The following HK1 variants were observed in gnomAD, a reference collection of about 807,000 sequenced individuals.
The protein encoded by HK1 is hexokinase-1.
Under a neutral mutation model 91.6 loss-of-function variants are expected in HK1, and 28 were observed. The ratio of observed to expected loss-of-function variants is 0.31; its 90% CI spans 0.23 to 0.42. The LOEUF is 0.42. Ranked by LOEUF, HK1 falls within the 10% of genes least tolerant of loss-of-function variation. The pLI, the probability that HK1 is intolerant of heterozygous loss-of-function variation, is 1.00. For missense variants in HK1, 770 were observed against 1,219.8 expected (o/e 0.63, Z 5.49); for synonymous variants, 430 against 468.1 (o/e 0.92, Z 1.05).
At chr10:69,386,724 A>G (rs557307011) in intron 13 of HK1, 1 of 341,432 alleles carries the variant, frequency 2.9e-6, no homozygotes, top group South Asian at 2.4e-5. Context: ...GGTTGCAGTG[A>G]GCTGAGATCA....
Position 69,380,045 on chromosome 10 carries a change from G to C in HK1, c.1215G>C (p.Arg405Ser). Residue 405 changes from arginine (R) to serine (S), a missense_variant, in exon 9 of 18, where the codon AGG (arginine) becomes AGC (serine). Around this residue, in one of 7 missense-constraint regions of HK1, gnomAD observed 449 missense variants for 665.1 expected, o/e 0.68. Coordinates refer to ENST00000359426, the MANE Select transcript of HK1 (RefSeq NM_000188.3). This position sits in a 1 kb window ranked among gnomAD's most constrained non-coding sequence, Gnocchi z 4.0. ...NRLRDNKGTP[R>S]LRTTVGVDGS... is the part of the protein sequence containing the mutation. ...TGCGTGATAACAAGGGCACACCCAGGCTGCGGACCACGGTTGGTGTCGACG... is the reference window on the plus strand; with the variant it reads ...TGCGTGATAACAAGGGCACACCCAGCCTGCGGACCACGGTTGGTGTCGACG... The C allele has an allele frequency of 6.2e-7, 1 of 1,614,142 alleles. No homozygotes were observed. The highest frequency in any genetic ancestry group is 8.5e-7 in the Non-Finnish European group (1 of 1,179,996).
intron 1 of HK1, among the ~76,000 whole-genome samples, chr10:69,324,950 A>G (rs1027415188): frequency 6.6e-6 from 1 of 152,192 alleles, no homozygotes; most frequent in Admixed American, 6.5e-5. Context: ...ATTTCTGGAA[A>G]TAACATTGAC....
chr10:69,354,809 T>C (rs1849048488), intron 2 of HK1, among the ~76,000 whole-genome samples: 1 of 152,180 alleles, frequency 6.6e-6, no homozygotes. Context: ...GGCTCATGCC[T>C]GTAATCCTAG....
chr10:69,391,009 A>G (rs1250651203), intron 14 of HK1, among the ~76,000 whole-genome samples: 1 of 152,196 alleles, frequency 6.6e-6, no homozygotes, highest in Non-Finnish European at 1.5e-5. Context: ...TTAGCTCCTC[A>G]TGGGCTGGAA....
intron 1 of HK1, chr10:69,338,499 T>C: frequency 7.8e-7 from 1 of 1,288,392 alleles, no homozygotes; most frequent in Non-Finnish European, 1.0e-6. Context: ...TTCTGATAGA[T>C]GGTCCACAGA....
chr10:69,348,762 A>G lies in HK1; in HGVS notation c.226+4773A>G, dbSNP rs954892544. 3.9e-5 allele frequency among the ~76,000 whole-genome samples: 6 copies of G among 152,192 alleles called. No individual in the cohort carries two copies. In the East Asian group the frequency reaches 1.2e-3, roughly 29 times the overall value. ...GGAGGCAGAGTTGCAGTGAGCTGAGATCACGCCACTGCACTCCAGCCTGGG... is the reference window on the plus strand; with the variant it reads ...GGAGGCAGAGTTGCAGTGAGCTGAGGTCACGCCACTGCACTCCAGCCTGGG... On this transcript the variant is annotated intron_variant, in intron 2 of 17. Transcript: ENST00000359426.
At chr10:69,354,180 G>A (rs1206374356) in intron 2 of HK1, among the ~76,000 whole-genome samples, 1 of 152,120 alleles carries the variant, frequency 6.6e-6, no homozygotes, top group Non-Finnish European at 1.5e-5. Context: ...GGTGAGTAGA[G>A]AAAAGGAAAA....
intron 2 of HK1, among the ~76,000 whole-genome samples, chr10:69,283,361 G>A (rs1167005001): frequency 6.6e-6 from 1 of 150,966 alleles, no homozygotes; most frequent in Non-Finnish European, 1.5e-5. Context: ...GGCTGAGGTG[G>A]AAGGATCACT....
rs1186330784 is a variant in HK1, at chr10:69,359,979, G to A, written c.309G>A (p.Gln103=). 6.2e-7 allele frequency: 1 copy of A among 1,614,040 alleles called. No homozygotes were observed. Among genetic ancestry groups the A allele is most frequent in the Non-Finnish European group, 8.5e-7 (1 of 1,179,994 alleles). Residue 103 remains glutamine, a synonymous_variant, in exon 3 of 18, where the codon CAG becomes CAA. Transcript: ENST00000359426. ...TGCAAGTGAATCATGAGAAAAACCA[G>A]AATGTTCACATGGAGTCCGAGGTTT... ...LRVQVNHEKN[Q]NVHMESEVYD... is the part of the protein sequence containing the mutation.
rs571305493 is a variant in HK1, at chr10:69,329,094, G to A, written c.63+10084G>A. 9.2e-5 allele frequency among the ~76,000 whole-genome samples: 14 copies of A among 151,576 alleles called. No homozygotes were observed. In the South Asian group the frequency reaches 2.9e-3, roughly 32 times the overall value. On this transcript the variant is annotated intron_variant, in intron 1 of 17. Transcript: ENST00000359426. Reference sequence around the variant, plus strand: ...TGGACTGCTTCCACTCTTTTCGGCTGTTATGAATAATGCTGCTCTGAACAT... The same window carrying A: ...TGGACTGCTTCCACTCTTTTCGGCTATTATGAATAATGCTGCTCTGAACAT...
upstream of HK1, among the ~76,000 whole-genome samples, chr10:69,310,989 G>A (rs541663280): frequency 4.6e-5 from 7 of 151,908 alleles, no homozygotes; most frequent in South Asian, 2.1e-4. Flanking sequence ...CCTGGGAGGC[G>A]GAGGTTGCAG....
At chr10:69,310,282 G>A (rs997019969) in intron 5 of HK1, among the ~76,000 whole-genome samples, 3 of 151,858 alleles carry the variant, frequency 2.0e-5, no homozygotes, top group African/African-American at 7.3e-5. Flanking sequence ...TTAGCCGGGT[G>A]TGGTGGTGGA....
chr10:69,389,415 AT>A (rs746231882), intron 14 of HK1, 119 bp downstream of exon 14: 5 of 455,286 alleles, frequency 1.1e-5, no homozygotes, highest in Non-Finnish European at 2.1e-5. Flanking sequence ...TGTCAGTATC[AT>A]TTCTTGACCA....
At chr10:69,306,280 T>C (rs1179163987) in intron 5 of HK1, among the ~76,000 whole-genome samples, 2 of 151,270 alleles carry the variant, frequency 1.3e-5, no homozygotes, top group South Asian at 2.1e-4. Flanking sequence ...ATGGTGTGAA[T>C]CCGGGAGGTG....
At chr10:69,353,268 C>A (rs1030066573) in intron 2 of HK1, among the ~76,000 whole-genome samples, 1 of 152,108 alleles carries the variant, frequency 6.6e-6, no homozygotes, top group Non-Finnish European at 1.5e-5. Context: ...TTTAATCAAT[C>A]GCAACTGTGT....
chr10:69,355,555 C>T lies in HK1; in HGVS notation c.227-4342C>T, dbSNP rs1000461131. Among the ~76,000 whole-genome samples the T allele has an allele frequency of 7.2e-5, 11 of 152,004 alleles. 1 individual carries two copies. The highest frequency in any genetic ancestry group is 6.6e-4 in the Admixed American group (10 of 15,248). On this transcript the variant is annotated intron_variant, in intron 2 of 17. Coordinates refer to ENST00000359426, the MANE Select transcript of HK1 (RefSeq NM_000188.3). ...CTGTAATCCTAGCACTTTGGGAGGC[C>T]GAGGCTGGTGGATCACCTGAGGTCA...
At chr10:69,276,089 T>TA (rs1844422079) in intron 1 of HK1, among the ~76,000 whole-genome samples, 4 of 14,414 alleles carry the variant, frequency 2.8e-4, no homozygotes, top group African/African-American at 1.1e-3. Flanking sequence ...AAACTCCTTT[T>TA]CAAAAAAAAA....
intron 1 of HK1, among the ~76,000 whole-genome samples, chr10:69,273,477 A>G (rs1280487048): frequency 2.0e-5 from 3 of 152,128 alleles, no homozygotes; most frequent in African/African-American, 4.8e-5. Context: ...CGGCCTCCCA[A>G]AGTGCTAGGA....
rs990940970 is a variant in HK1, at chr10:69,388,082, A to G, written c.1936-1115A>G. On this transcript the variant is annotated intron_variant, in intron 13 of 17. Coordinates refer to ENST00000359426, the MANE Select transcript of HK1 (RefSeq NM_000188.3). ...TTGCAGTTAAATAGAAAAAAAACAAAAAGGGCTGAGTTGCATCTGGAAGGG... is the reference window on the plus strand; with the variant it reads ...TTGCAGTTAAATAGAAAAAAAACAAGAAGGGCTGAGTTGCATCTGGAAGGG... 2.6e-5 allele frequency among the ~76,000 whole-genome samples: 4 copies of G among 152,146 alleles called. No individual in the cohort carries two copies. In the East Asian group the frequency reaches 7.7e-4, roughly 29 times the overall value.
Sources: gnomAD v4.1 joint callset for allele counts (sites outside exome capture counted in the v4.1 genomes callset) on GRCh38, gnomAD v4.1.1 for gene constraint, gnomAD v4.1.1 regional missense constraint, Gnocchi (gnomAD v3.1) non-coding constraint, MANE v1.5 for transcripts, NCBI Gene and HGNC (gene_info 2026-07-23, HGNC 2026-07-21) for gene names.